The following HHAT variants were observed in gnomAD, a reference collection of about 807,000 sequenced individuals.
HHAT encodes the protein protein-cysteine N-palmitoyltransferase HHAT.
Under a neutral mutation model 70.8 loss-of-function variants are expected in HHAT, and 47 were observed. That is an observed-to-expected ratio of 0.66 (90% CI 0.53 to 0.85). HHAT has a LOEUF of 0.85. Among genes scored for constraint, HHAT ranks in the 40% least tolerant of loss-of-function variants. The pLI is 0.00. For synonymous variants in HHAT, 228 were observed against 247.6 expected (o/e 0.92, Z 0.74); for missense variants, 609 against 604.8 (o/e 1.01, Z -0.07).
At chr1:210,674,243 C>T (rs540507430) in intron 11 of HHAT, 45 bp from the exon 12 acceptor site, 1 of 1,520,500 alleles carries the variant, frequency 6.6e-7, no homozygotes, top group African/African-American at 1.4e-5. Flanking sequence ...ATGTCCTGCC[C>T]CAAGCATTTC....
At chr1:210,453,264 A>T (rs996814258) in intron 7 of HHAT, among the ~76,000 whole-genome samples, 3 of 152,126 alleles carry the variant, frequency 2.0e-5, no homozygotes, top group South Asian at 2.1e-4. Flanking sequence ...AGTAGAAAAA[A>T]TTTTTATAAA....
chr1:210,386,340 G>A (rs1352980599), intron 3 of HHAT, among the ~76,000 whole-genome samples: 3 of 138,794 alleles, frequency 2.2e-5, no homozygotes, highest in Non-Finnish European at 3.1e-5. Flanking sequence ...CCGGGTTCAC[G>A]CCATTCTCCT....
chr1:210,456,281 G>C (rs1224364117), intron 7 of HHAT, among the ~76,000 whole-genome samples: 1 of 152,174 alleles, frequency 6.6e-6, no homozygotes, highest in Non-Finnish European at 1.5e-5. Flanking sequence ...TGTTCCTCCA[G>C]CTTCTGACTC....
chr1:210,510,949 C>CT (rs1159536684), intron 8 of HHAT, among the ~76,000 whole-genome samples: 7 of 152,140 alleles, frequency 4.6e-5, no homozygotes, highest in Non-Finnish European at 4.4e-5. Flanking sequence ...TGAAAAGGCT[C>CT]TACAAGCTTT....
At chr1:210,374,299 A>C (rs111414926) in intron 3 of HHAT, 1 of 152,240 alleles carries the variant, frequency 6.6e-6, no homozygotes, top group Non-Finnish European at 1.5e-5. Flanking sequence ...TCATTGTTGC[A>C]GTAACCGCAA....
At chr1:210,537,013 T>C (rs2095379579) in intron 9 of HHAT, among the ~76,000 whole-genome samples, 2 of 151,894 alleles carry the variant, frequency 1.3e-5, no homozygotes, top group Admixed American at 1.3e-4. Flanking sequence ...TTTTGAACTG[T>C]ACCTAAAAGA....
chr1:210,617,253 A>G (rs995362253), intron 10 of HHAT, among the ~76,000 whole-genome samples: 1 of 152,238 alleles, frequency 6.6e-6, no homozygotes, highest in African/African-American at 2.4e-5. Context: ...GTCATTGATA[A>G]AAAGTGGTGA....
At chr1:210,475,759 T>C (rs1004562932) in intron 8 of HHAT, among the ~76,000 whole-genome samples, 8 of 152,202 alleles carry the variant, frequency 5.3e-5, no homozygotes, top group African/African-American at 1.7e-4. Flanking sequence ...TTTTGTAATA[T>C]GGAGGAAAAT....
chr1:210,380,915 C>T (rs2090587638), intron 3 of HHAT, among the ~76,000 whole-genome samples: 1 of 152,052 alleles, frequency 6.6e-6, no homozygotes, highest in Non-Finnish European at 1.5e-5. Context: ...TTATGAAGAA[C>T]TGCATGAGTC....
At chr1:210,584,803 A>G (rs1660068131) in intron 9 of HHAT, among the ~76,000 whole-genome samples, 1 of 152,206 alleles carries the variant, frequency 6.6e-6, no homozygotes, top group South Asian at 2.1e-4. Flanking sequence ...CACATAGCTT[A>G]ATGATGGGAA....
rs185165441 is a variant in HHAT at position 210,471,659 on chromosome 1, G to A, written c.1007+7004G>A. Among the ~76,000 whole-genome samples the A allele has an allele frequency of 1.1e-3, 161 of 152,238 alleles. 1 individual carries two copies. The highest frequency in any genetic ancestry group is 3.8e-3 in the African/African-American group (158 of 41,534). ...AGTAATAATAATCGTAATAATAACAGCAATAGCAGCAGCAGCAGCGCGAAG... is the reference window on the plus strand; with the variant it reads ...AGTAATAATAATCGTAATAATAACAACAATAGCAGCAGCAGCAGCGCGAAG... On this transcript the variant is annotated intron_variant, in intron 8 of 11. Transcript: ENST00000261458.
intron 10 of HHAT, among the ~76,000 whole-genome samples, chr1:210,614,610 G>A (rs1396822789): frequency 2.6e-5 from 4 of 151,812 alleles, no homozygotes; most frequent in African/African-American, 9.7e-5. Context: ...CCTTTCCTGT[G>A]TCCAAGTGTT....
intron 11 of HHAT, among the ~76,000 whole-genome samples, chr1:210,658,975 A>G (rs1309040580): frequency 2.0e-5 from 3 of 152,228 alleles, no homozygotes; most frequent in African/African-American, 4.8e-5. Flanking sequence ...AATGCCCACA[A>G]GAGAAAGCAG....
rs559581594 is a variant in HHAT at position 210,412,621 on chromosome 1, A to G, written c.685-5533A>G. ...GCTCAGGAATCATCATGTTTGGCTC[A>G]TTACTCTGCCCTCCAGGCCCACTAG... is the stretch of plus-strand genomic sequence containing the variant. On this transcript the variant is annotated intron_variant, in intron 6 of 11. Coordinates refer to ENST00000261458, the MANE Select transcript of HHAT (RefSeq NM_018194.6). 4.6e-5 allele frequency among the ~76,000 whole-genome samples: 7 copies of G among 152,332 alleles called. No individual in the cohort carries two copies. The East Asian group carries it at 1.3e-3, about 29-fold the overall frequency.
chr1:210,586,310 C>T (rs1414297177), intron 9 of HHAT, among the ~76,000 whole-genome samples: 1 of 152,038 alleles, frequency 6.6e-6, no homozygotes, highest in African/African-American at 2.4e-5. Context: ...TGTGGTGGTG[C>T]ATGCCTGTAG....
chr1:210,555,829 C>T (rs1573290028), intron 9 of HHAT, among the ~76,000 whole-genome samples: 1 of 152,156 alleles, frequency 6.6e-6, no homozygotes, highest in East Asian at 1.9e-4. Flanking sequence ...GTGTTGGACT[C>T]CAATCAGATC....
At chr1:210,347,209 C>CT (rs1234550363) in intron 1 of HHAT, among the ~76,000 whole-genome samples, 1 of 152,122 alleles carries the variant, frequency 6.6e-6, no homozygotes, top group Non-Finnish European at 1.5e-5. Flanking sequence ...GTGAGTTTGA[C>CT]TTTTTTTAGG....
At chr1:210,492,149 A>G (rs911164691) in intron 8 of HHAT, among the ~76,000 whole-genome samples, 1 of 152,094 alleles carries the variant, frequency 6.6e-6, no homozygotes, top group Non-Finnish European at 1.5e-5. Flanking sequence ...TCCATCTTCT[A>G]CATCCTCCCA....
chr1:210,394,705 A>G (rs2091681488), intron 4 of HHAT, among the ~76,000 whole-genome samples: 1 of 152,198 alleles, frequency 6.6e-6, no homozygotes, highest in Non-Finnish European at 1.5e-5. Context: ...CAAAGGGCTG[A>G]GAAGCCTGAC....
Sources: gnomAD v4.1 joint callset for allele counts (sites outside exome capture counted in the v4.1 genomes callset) on GRCh38, gnomAD v4.1.1 for gene constraint, MANE v1.5 for transcripts, NCBI Gene and HGNC (gene_info 2026-07-23, HGNC 2026-07-21) for gene names.